The following SLC35F3 variants were observed in gnomAD, a reference collection of about 807,000 sequenced individuals.
The protein encoded by SLC35F3 is putative thiamine transporter SLC35F3.
In SLC35F3, 25 loss-of-function variants were observed where a neutral mutation model predicts 49.9. The observed-to-expected ratio is 0.50, with a 90% CI of 0.37 to 0.70. SLC35F3 has a LOEUF of 0.70. SLC35F3 is among the 30% of genes least tolerant of loss of function. The pLI, the probability that SLC35F3 is intolerant of heterozygous loss-of-function variation, is 0.00. For synonymous variants in SLC35F3, 275 were observed against 265.4 expected, an observed-to-expected ratio of 1.04 and a Z score of -0.35; for missense variants, 525 against 639.8, an observed-to-expected ratio of 0.82 and a Z score of 1.94.
intron 3 of SLC35F3, among the ~76,000 whole-genome samples, chr1:234,253,782 G>T (rs546595952): frequency 6.6e-6 from 1 of 152,306 alleles, no homozygotes; most frequent in East Asian, 1.9e-4. Flanking sequence ...GCCAAATAAG[G>T]TCAAGAGCAG....
intron 2 of SLC35F3, among the ~76,000 whole-genome samples, chr1:234,033,645 G>T (rs1161553344): frequency 1.3e-5 from 2 of 152,148 alleles, no homozygotes; most frequent in Admixed American, 6.5e-5. Flanking sequence ...TGTTCGCTTT[G>T]TCGAAGATCA....
At chr1:234,226,576 A>T (rs1667288818) in intron 2 of SLC35F3, among the ~76,000 whole-genome samples, 1 of 147,870 alleles carries the variant, frequency 6.8e-6, no homozygotes, top group African/African-American at 2.5e-5. Flanking sequence ...AAAGCACCCA[A>T]TTCATCATTT....
chr1:234,320,260 A>G lies in SLC35F3; in HGVS notation c.1237+73A>G, dbSNP rs572524090. On this transcript the variant is annotated intron_variant, in intron 7 of 7. Transcript: ENST00000366618. The surrounding 1 kb of genome is among the most constrained non-coding windows in gnomAD (Gnocchi z 4.8). ...GTCACCTACTCACACACACATACACACACTCATGCATACATACACACTCAC... is the reference window on the plus strand; with the variant it reads ...GTCACCTACTCACACACACATACACGCACTCATGCATACATACACACTCAC... 7.2e-4 allele frequency: 737 copies of G among 1,029,944 alleles called. 4 individuals are homozygous for G. In the African/African-American group the frequency reaches 0.01, roughly 14 times the overall value. The allele number at this position is 1,029,944 out of a possible 1,614,324, so 63.8% of individuals were successfully genotyped here. A position where few individuals can be genotyped will look rare whatever the true frequency, so the allele number is the denominator to read the frequency against.
rs750690573 is a variant in SLC35F3 at position 234,309,210 on chromosome 1, G to T, written c.718G>T (p.Ala240Ser). The stretch of plus-strand genomic sequence containing the variant: ...ACTCACAAACTACCTGTACTTACAT[G>T]CAATAAAGAAAATAAACACTACGGA... ...WTLTNYLYLH[A>S]IKKINTTDVS... Residue 240 changes from alanine (A) to serine (S), a missense_variant, in exon 4 of 8, where the codon GCA (alanine) becomes TCA (serine). Physicochemically the swap from Ala to Ser is moderately conservative, Grantham distance 99. Transcript: ENST00000366618. 1.2e-6 allele frequency: 2 copies of T among 1,614,152 alleles called. No homozygotes were observed. The highest frequency in any genetic ancestry group is 3.3e-5 in the Admixed American group (2 of 60,022).
intron 2 of SLC35F3, among the ~76,000 whole-genome samples, chr1:234,054,505 C>G (rs1204707741): frequency 1.3e-5 from 2 of 152,292 alleles, no homozygotes; most frequent in East Asian, 1.9e-4. Context: ...CATTTAAGGT[C>G]TTCTCTATGC....
At chr1:234,128,417 A>G (rs1282092719) in intron 2 of SLC35F3, among the ~76,000 whole-genome samples, 1 of 152,168 alleles carries the variant, frequency 6.6e-6, no homozygotes, top group Non-Finnish European at 1.5e-5. Flanking sequence ...AGGGCTGAAG[A>G]GTCTCTGGGT....
chr1:234,202,270 GAAATA>G (rs1396273425), intron 2 of SLC35F3, among the ~76,000 whole-genome samples: 4 of 151,916 alleles, frequency 2.6e-5, no homozygotes, highest in Non-Finnish European at 5.9e-5. Context: ...GTGGGAAATA[GAAATA>G]AAATAAAATA....
chr1:234,166,907 C>T (rs748746235), intron 2 of SLC35F3, among the ~76,000 whole-genome samples: 1 of 152,218 alleles, frequency 6.6e-6, no homozygotes, highest in African/African-American at 2.4e-5. Context: ...AAAGCATAAA[C>T]TCATGAGGCT....
chr1:234,181,695 T>C (rs1175850689), intron 2 of SLC35F3, among the ~76,000 whole-genome samples: 1 of 152,230 alleles, frequency 6.6e-6, no homozygotes, highest in Non-Finnish European at 1.5e-5. Context: ...ACCATGTTAT[T>C]TTGTCCTCCG....
At chr1:234,077,034 G>A (rs1368841925) in intron 2 of SLC35F3, among the ~76,000 whole-genome samples, 1 of 121,674 alleles carries the variant, frequency 8.2e-6, no homozygotes, top group Non-Finnish European at 1.6e-5. Context: ...GTCTCGCTCT[G>A]TCGCCCAGGC....
chr1:233,918,798 TTC>T (rs879841839), intron 2 of SLC35F3, among the ~76,000 whole-genome samples: 3,543 of 49,768 alleles, frequency 0.071, 53 homozygotes, highest in Middle Eastern at 0.16. Context: ...CTCTCTCTCT[TTC>T]TCTCTCTCTC....
intron 3 of SLC35F3, among the ~76,000 whole-genome samples, chr1:234,268,264 C>T (rs1668033440): frequency 6.6e-6 from 1 of 152,194 alleles, no homozygotes; most frequent in Admixed American, 6.5e-5. Context: ...ACCAGCCCGG[C>T]CAACACAGCG....
At chr1:234,098,548 G>T (rs1489635898) in intron 2 of SLC35F3, among the ~76,000 whole-genome samples, 1 of 151,158 alleles carries the variant, frequency 6.6e-6, no homozygotes, top group Non-Finnish European at 1.5e-5. Flanking sequence ...GATGGTGGTG[G>T]TGATTATTGG....
At chr1:234,106,466 T>G (rs11586889) in intron 2 of SLC35F3, among the ~76,000 whole-genome samples, 22,642 of 152,176 alleles carry the variant, frequency 0.15, 3,318 homozygotes, top group East Asian at 0.81. Flanking sequence ...TGCCAGCAGG[T>G]TTGCCTTCTG....
intron 2 of SLC35F3, among the ~76,000 whole-genome samples, chr1:234,110,271 T>TA (rs1005902288): frequency 1.3e-5 from 2 of 151,782 alleles, no homozygotes; most frequent in African/African-American, 4.8e-5. Flanking sequence ...GTTGTGGAAA[T>TA]AAAAAAAGGG....
intron 4 of SLC35F3, among the ~76,000 whole-genome samples, chr1:234,313,102 T>G (rs1657400361): frequency 6.6e-6 from 1 of 152,032 alleles, no homozygotes; most frequent in Admixed American, 6.6e-5. Flanking sequence ...GTCTTGAACT[T>G]GTGGGCCCAA....
chr1:234,155,736 A>T (rs891524713), intron 2 of SLC35F3, among the ~76,000 whole-genome samples: 1 of 151,650 alleles, frequency 6.6e-6, no homozygotes, highest in Non-Finnish European at 1.5e-5. Context: ...GAAAGGATGG[A>T]TTATTCAAAG....
At chr1:234,246,191 G>C (rs1558272113) in intron 3 of SLC35F3, among the ~76,000 whole-genome samples, 1 of 152,224 alleles carries the variant, frequency 6.6e-6, no homozygotes, top group South Asian at 2.1e-4. Flanking sequence ...CAGAGGCTTG[G>C]GGTTTGGGAG....
intron 2 of SLC35F3, among the ~76,000 whole-genome samples, chr1:233,934,688 AT>A (rs1355862299): frequency 7.9e-5 from 12 of 152,118 alleles, no homozygotes; most frequent in Admixed American, 5.9e-4. Flanking sequence ...GAAACAGAAT[AT>A]TACTGGCATG....
Sources: allele counts gnomAD v4.1 joint callset (sites outside exome capture counted in the v4.1 genomes callset), GRCh38; gene constraint gnomAD v4.1.1; non-coding constraint Gnocchi (gnomAD v3.1); transcripts MANE v1.5; gene names NCBI Gene and HGNC (gene_info 2026-07-23, HGNC 2026-07-21).